Variants in USP34 observed in about 807,000 individuals in gnomAD.
USP34 encodes ubiquitin specific peptidase 34.
A neutral mutation model predicts 460.3 loss-of-function variants in USP34; 70 were observed. The ratio of observed to expected loss-of-function variants is 0.15; its 90% CI spans 0.13 to 0.19. USP34 has a LOEUF of 0.19. Among genes scored for constraint, USP34 ranks in the 10% least tolerant of loss-of-function variants. The probability of loss-of-function intolerance (pLI) is 1.00; values close to 1 mark genes in which losing one functional copy is unlikely to be tolerated. For missense variants in USP34, 3,985 were observed against 4,236.2 expected, an observed-to-expected ratio of 0.94 and a Z score of 1.65; for synonymous variants, 1,647 against 1,405.3, an observed-to-expected ratio of 1.17 and a Z score of -3.85.
intron 2 of USP34, among the ~76,000 whole-genome samples, chr2:61,410,018 G>A (rs778438099): frequency 4.1e-4 from 63 of 152,136 alleles, no homozygotes; most frequent in Non-Finnish European, 7.5e-4. Context: ...TCAATACGGC[G>A]TTTCCCTCTG....
chr2:61,194,550 T>C (rs1686739184), intron 75 of USP34, among the ~76,000 whole-genome samples: 1 of 152,188 alleles, frequency 6.6e-6, no homozygotes, highest in Non-Finnish European at 1.5e-5. Flanking sequence ...CAGGTTGGAG[T>C]GCAGTGGCGT....
intron 45 of USP34, 43 bp from the exon 46 acceptor site, chr2:61,257,151 G>T: frequency 6.4e-7 from 1 of 1,573,548 alleles, no homozygotes; most frequent in Non-Finnish European, 8.6e-7. Context: ...TAGTTAAAAC[G>T]CAGGCAAATT....
chr2:61,401,870 C>CTT (rs1455100068), intron 3 of USP34, among the ~76,000 whole-genome samples: 1 of 150,384 alleles, frequency 6.6e-6, no homozygotes, highest in Non-Finnish European at 1.5e-5. Flanking sequence ...TTTTTATAAT[C>CTT]TTTTTCCCTA....
intron 48 of USP34, among the ~76,000 whole-genome samples, chr2:61,249,199 T>C (rs1026718567): frequency 6.6e-6 from 1 of 152,252 alleles, no homozygotes; most frequent in African/African-American, 2.4e-5. Flanking sequence ...TAAGGCATTT[T>C]ACAGCTTCTC....
chr2:61,378,542 A>G, intron 7 of USP34, 118 bp from the exon 8 acceptor site: 2 of 573,828 alleles, frequency 3.5e-6, no homozygotes, highest in Middle Eastern at 5.7e-4. Flanking sequence ...CTAGATTAAT[A>G]TTATAAAATC....
At chr2:61,256,500 A>C in intron 47 of USP34, 22 bp from the exon 48 acceptor site, 1 of 1,519,840 alleles carries the variant, frequency 6.6e-7, no homozygotes, top group Admixed American at 2.0e-5. Flanking sequence ...ACCACATTTA[A>C]AAGTTTCATA....
chr2:61,296,823 A>G lies in USP34; in HGVS notation c.4231T>C (p.Phe1411Leu). Reference protein sequence around the residue: ...LPTCPNMLMAFQNISDEQSND... With the variant: ...LPTCPNMLMALQNISDEQSND... ...ACCTGCTCATCTGAGATATTCTGGAATGCCATCAACATATTAGGACATGTA... is the reference window on the plus strand; with the variant it reads ...ACCTGCTCATCTGAGATATTCTGGAGTGCCATCAACATATTAGGACATGTA... The change falls in exon 30 of 80, where the codon TTC (phenylalanine) becomes CTC (leucine). Residue 1411 changes from phenylalanine (F) to leucine (L), a missense_variant. By Grantham distance (22) the Phe-to-Leu change is conservative. Coordinates refer to ENST00000398571, the MANE Select transcript of USP34 (RefSeq NM_014709.4). 1 of 1,613,314 alleles carries G rather than the reference A, an allele frequency of 6.2e-7. No homozygotes were observed. The highest frequency in any genetic ancestry group is 8.5e-7 in the Non-Finnish European group (1 of 1,179,704).
At chr2:61,400,642 G>A (rs1026947759) in intron 3 of USP34, among the ~76,000 whole-genome samples, 1 of 152,020 alleles carries the variant, frequency 6.6e-6, no homozygotes, top group African/African-American at 2.4e-5. Context: ...CCAAAGCCAG[G>A]AGCTCAAAGC....
chr2:61,415,323 G>A (rs113451292), intron 2 of USP34, among the ~76,000 whole-genome samples: 78 of 152,292 alleles, frequency 5.1e-4, no homozygotes, highest in Non-Finnish European at 1.0e-3. Flanking sequence ...AGAATTAAGT[G>A]ATCCACACAT....
chr2:61,292,458 AAAAC>A (rs1201509288), intron 33 of USP34, among the ~76,000 whole-genome samples: 2 of 152,210 alleles, frequency 1.3e-5, no homozygotes, highest in Non-Finnish European at 2.9e-5. Flanking sequence ...AATTTCAAGA[AAAAC>A]AAACAGAGAA....
intron 69 of USP34, among the ~76,000 whole-genome samples, chr2:61,210,204 T>G (rs1687236161): frequency 6.6e-6 from 1 of 152,142 alleles, no homozygotes; most frequent in Non-Finnish European, 1.5e-5. Context: ...GGCCTTCACA[T>G]TCCCTCACCA....
At chr2:61,278,880 T>C (rs574017462) in intron 39 of USP34, among the ~76,000 whole-genome samples, 2 of 152,298 alleles carry the variant, frequency 1.3e-5, no homozygotes, top group Admixed American at 6.5e-5. Flanking sequence ...TTGTTTTAAA[T>C]AATACCTTTA....
At chr2:61,291,151 T>A (rs989663417) in intron 33 of USP34, among the ~76,000 whole-genome samples, 3 of 152,132 alleles carry the variant, frequency 2.0e-5, no homozygotes, top group Admixed American at 1.3e-4. Flanking sequence ...TGGATGTGAA[T>A]TGACATTACT....
chr2:61,462,970 T>C (rs1007024903), intron 1 of USP34, among the ~76,000 whole-genome samples: 2 of 148,424 alleles, frequency 1.3e-5, no homozygotes, highest in Non-Finnish European at 3.0e-5. Flanking sequence ...GGTCAAGTTA[T>C]AGTAAGCAAT....
intron 3 of USP34, among the ~76,000 whole-genome samples, chr2:61,400,474 A>G (rs949522237): frequency 1.3e-5 from 2 of 152,176 alleles, no homozygotes; most frequent in African/African-American, 4.8e-5. Context: ...GAAGAACTCA[A>G]TGTCTCAAAA....
intron 23 of USP34, among the ~76,000 whole-genome samples, chr2:61,316,138 G>A (rs745484586): frequency 5.9e-5 from 9 of 152,042 alleles, no homozygotes; most frequent in African/African-American, 9.7e-5. Flanking sequence ...CCTGGGAGGC[G>A]GAGGTTGCAG....
chr2:61,405,982 G>A lies in USP34; in HGVS notation c.278C>T (p.Thr93Met), dbSNP rs748109154. 1.9e-5 allele frequency: 31 copies of A among 1,613,124 alleles called. No homozygotes were observed. The highest frequency in any genetic ancestry group is 2.2e-5 in the Non-Finnish European group (26 of 1,179,920). Reference sequence around the variant, plus strand: ...TGCTTGATTACTCTCATCTTGCCACGTGGAATCTATGTTAATGGTAGTACA... The same window carrying A: ...TGCTTGATTACTCTCATCTTGCCACATGGAATCTATGTTAATGGTAGTACA... ...KHCTTINIDS[T>M]WQDESNQAEE... The change falls in exon 3 of 80, where the codon ACG (threonine) becomes ATG (methionine). Residue 93 changes from threonine (T) to methionine (M), a missense_variant. Around this residue, in one of 14 missense-constraint regions of USP34, gnomAD observed 331 missense variants for 293.7 expected, o/e 1.13. Transcript: ENST00000398571.
chr2:61,323,371 G>C (rs1294486658), intron 21 of USP34, among the ~76,000 whole-genome samples: 2 of 152,084 alleles, frequency 1.3e-5, no homozygotes, highest in Admixed American at 1.3e-4. Flanking sequence ...AAAGTTAGCT[G>C]GGTGTGGTGG....
At chr2:61,242,324 G>A (rs745552122) in intron 51 of USP34, among the ~76,000 whole-genome samples, 1 of 152,106 alleles carries the variant, frequency 6.6e-6, no homozygotes, top group Admixed American at 6.5e-5. Context: ...CCTCAAAGTT[G>A]TAAGTAACTT....
Sources: gnomAD v4.1 joint callset for allele counts (sites outside exome capture counted in the v4.1 genomes callset) on GRCh38, gnomAD v4.1.1 for gene constraint, gnomAD v4.1.1 regional missense constraint, MANE v1.5 for transcripts, NCBI Gene and HGNC (gene_info 2026-07-23, HGNC 2026-07-21) for gene names.